The following RC3H2 variants were observed in gnomAD, a reference collection of about 807,000 sequenced individuals.
RC3H2 encodes ring finger and CCCH-type domains 2.
In RC3H2, 31 loss-of-function variants were observed where a neutral mutation model predicts 133.3. That is an observed-to-expected ratio of 0.23 (90% CI 0.17 to 0.31). RC3H2 has a LOEUF of 0.31. RC3H2 is among the 10% of genes least tolerant of loss of function. RC3H2 has a pLI of 1.00. For missense variants in RC3H2, 1,175 were observed against 1,437.2 expected (o/e 0.82, Z 2.95); for synonymous variants, 517 against 502.2 (o/e 1.03, Z -0.40).
intron 4 of RC3H2, among the ~76,000 whole-genome samples, chr9:122,889,954 C>T (rs531247940): frequency 6.6e-6 from 1 of 152,224 alleles, no homozygotes; most frequent in Admixed American, 6.5e-5. Context: ...CCAGTCTGGC[C>T]AACATGGTGG....
chr9:122,904,657 G>A (rs1442186284), intron 1 of RC3H2, among the ~76,000 whole-genome samples: 1 of 152,142 alleles, frequency 6.6e-6, no homozygotes, highest in Non-Finnish European at 1.5e-5. Context: ...TTGTTTGGCC[G>A]GGGTTCCTAT....
chr9:122,899,601 A>C (rs1213098014), intron 1 of RC3H2, among the ~76,000 whole-genome samples: 1 of 152,214 alleles, frequency 6.6e-6, no homozygotes, highest in African/African-American at 2.4e-5. Flanking sequence ...TAATGCCATC[A>C]ATCTAAAAAC....
At chr9:122,882,376 A>T (rs1831683343) in intron 5 of RC3H2, among the ~76,000 whole-genome samples, 1 of 152,248 alleles carries the variant, frequency 6.6e-6, no homozygotes, top group Non-Finnish European at 1.5e-5. Flanking sequence ...ACTACCTGTT[A>T]TCTCAAACTA....
chr9:122,903,445 C>T (rs979892913), intron 1 of RC3H2, among the ~76,000 whole-genome samples: 2 of 152,098 alleles, frequency 1.3e-5, no homozygotes, highest in African/African-American at 4.8e-5. Flanking sequence ...AATGCTTTGC[C>T]AAAATGCAAA....
intron 5 of RC3H2, 29 bp downstream of exon 5, chr9:122,883,175 A>G (rs1831727336): frequency 3.1e-6 from 5 of 1,590,428 alleles, no homozygotes; most frequent in Non-Finnish European, 4.3e-6. Flanking sequence ...ACAAACAGGC[A>G]TGTCTTTACA....
intron 1 of RC3H2, 160 bp from the exon 2 acceptor site, chr9:122,897,736 T>C (rs1025380696): frequency 1.5e-5 from 8 of 530,444 alleles, no homozygotes; most frequent in African/African-American, 1.3e-4. Flanking sequence ...CTGAATTAAT[T>C]ACATTTCTGA....
chr9:122,878,128 G>A (rs1831418583), intron 8 of RC3H2, among the ~76,000 whole-genome samples: 2 of 152,102 alleles, frequency 1.3e-5, no homozygotes, highest in South Asian at 4.1e-4. Context: ...CAAAATCTAA[G>A]ACATTCTTAT....
chr9:122,889,985 T>C (rs1832091613), intron 4 of RC3H2, among the ~76,000 whole-genome samples: 2 of 151,846 alleles, frequency 1.3e-5, no homozygotes, highest in South Asian at 4.1e-4. Flanking sequence ...GTACAAAAAA[T>C]AGAAAAATTA....
At chr9:122,884,838 C>T (rs1483166550) in intron 4 of RC3H2, among the ~76,000 whole-genome samples, 3 of 146,014 alleles carry the variant, frequency 2.1e-5, no homozygotes, top group East Asian at 2.0e-4. Context: ...GGCGACATAG[C>T]GAAAGTCCGT....
Position 122,845,293 on chromosome 9 carries a change from G to C in RC3H2, c.*4334C>G, listed in dbSNP as rs966097117. ...ACAGCAGTTGCTGCAAGCTAACCAC[G>C]ATACTCCCAAGTGGCTGTACAGTGG... is the stretch of plus-strand genomic sequence containing the variant. On this transcript the variant is annotated 3_prime_UTR_variant, in exon 21 of 21. Transcript: ENST00000357244. The C allele has an allele frequency of 6.6e-6, 1 of 152,200 alleles. No homozygotes were observed. The highest frequency in any genetic ancestry group is 1.5e-5 in the Non-Finnish European group (1 of 68,034). 9.4% of individuals were successfully genotyped at this position (152,200 alleles called of 1,614,324 possible). A position where few individuals can be genotyped will look rare whatever the true frequency, so the allele number is the denominator to read the frequency against.
At chr9:122,904,997 A>C in intron 1 of RC3H2, 113 bp downstream of exon 1, 1 of 755,340 alleles carries the variant, frequency 1.3e-6, no homozygotes, top group Non-Finnish European at 1.6e-6. Flanking sequence ...CCCTCGAGGC[A>C]CCAGGGGCGA....
rs1213197503 is a variant in RC3H2, at chr9:122,883,311, C to T, written c.652G>A (p.Val218Ile). ...LEDGSALSRK[V>I]LVLFVVQRLE... Reference sequence around the variant, plus strand: ...CTCTGCACAACAAAAAGTACCAGAACTTTCCTTGAGAGGGCAGAACCATCT... The same window carrying T: ...CTCTGCACAACAAAAAGTACCAGAATTTTCCTTGAGAGGGCAGAACCATCT... Residue 218 changes from valine to isoleucine, a missense_variant, in exon 5 of 21, where the codon GTT becomes ATT. By Grantham distance (29) the Val-to-Ile change is conservative. This residue lies in a region of RC3H2 where 121 missense variants were observed against 243.5 expected (regional missense o/e 0.50). Transcript: ENST00000357244. 6.2e-7 allele frequency: 1 copy of T among 1,613,888 alleles called. No homozygotes were observed.
rs755304570 is a variant in RC3H2, at chr9:122,858,088, A to C, written c.2289T>G (p.Pro763=). The C allele has an allele frequency of 2.4e-5, 38 of 1,613,924 alleles. No homozygotes were observed. The highest frequency in any genetic ancestry group is 3.1e-5 in the Non-Finnish European group (37 of 1,179,950). The change falls in exon 13 of 21, where the codon CCT becomes CCG. Residue 763 remains proline (P), a synonymous_variant. Transcript: ENST00000357244. ...PRTTVPLPRE[P]CGHLKTSCEE... ...CGCAACTGGTCTTCAAATGACCACA[A>C]GGTTCCTAATGGGGGATAAAAGAAA...
At chr9:122,897,661 T>C in intron 1 of RC3H2, 85 bp from the exon 2 acceptor site, 2 of 899,162 alleles carry the variant, frequency 2.2e-6, no homozygotes, top group Non-Finnish European at 3.3e-6. Flanking sequence ...TATTACAGCT[T>C]CAGACCTAAA....
rs1447915758 is a variant in RC3H2 at position 122,849,669 on chromosome 9, G to T, written c.3534C>A (p.Asp1178Glu). 1 of 1,613,260 alleles carries T rather than the reference G, an allele frequency of 6.2e-7. No individual in the cohort carries two copies. Among genetic ancestry groups the T allele is most frequent in the Admixed American group, 1.7e-5 (1 of 59,836 alleles). The part of the protein sequence containing the change: ...KTHVMSEDKN[D>E]FLKPVANGKM... The stretch of plus-strand genomic sequence containing the variant: ...TCCCATTTGCAACAGGTTTTAAAAA[G>T]TCGTTTTTATCTTCAGACATAACAT... Residue 1178 changes from aspartate to glutamate, a missense_variant, in exon 21 of 21, where the codon GAC becomes GAA. Physicochemically the swap from Asp to Glu is conservative, Grantham distance 45 (BLOSUM62 2). This residue lies in a region of RC3H2 where 220 missense variants were observed against 201.1 expected (regional missense o/e 1.09). Transcript: ENST00000357244.
At position 122,845,464 on chromosome 9, in the gene RC3H2, TG is replaced by T. The variant is rs1291899996; in HGVS notation, c.*4162del. ...GACAGGTTGATGGAATATGTGCAAA[TG>T]ACCTTGGCTTTTGGCAGTACTAAGT... On this transcript the variant is annotated 3_prime_UTR_variant, in exon 21 of 21. Transcript: ENST00000357244. 2.0e-5 allele frequency: 3 copies of T among 152,182 alleles called. No individual in the cohort carries two copies. The highest frequency in any genetic ancestry group is 2.9e-5 in the Non-Finnish European group (2 of 68,026). 9.4% of individuals were successfully genotyped at this position (152,182 alleles called of 1,614,324 possible).
chr9:122,896,321 T>C lies in RC3H2; in HGVS notation c.231+958A>G, dbSNP rs557790760. Among the ~76,000 whole-genome samples the C allele has an allele frequency of 3.9e-5, 6 of 152,232 alleles. No homozygotes were observed. The South Asian group carries it at 1.2e-3, about 32-fold the overall frequency. On this transcript the variant is annotated intron_variant, in intron 2 of 20. Transcript: ENST00000357244. ...GACCTTATTGTTTCATTTACACTAT[T>C]ATATAAAAAGTCAAGTGAAGTAAAA...
Position 122,879,749 on chromosome 9 carries a change from A to G in RC3H2, c.1212+6T>C, listed in dbSNP as rs1238933234. The stretch of plus-strand genomic sequence containing the variant: ...CAGCAGTCAGAAATGTAATAAATGT[A>G]CTTACCTGAGGGGTCTCATGGCCTT... On this transcript the variant is annotated splice_donor_region_variant and intron_variant, in intron 8 of 20. Transcript: ENST00000357244. 37 of 1,561,394 alleles carry G rather than the reference A, an allele frequency of 2.4e-5. No homozygotes were observed. Among genetic ancestry groups the G allele is most frequent in the Non-Finnish European group, 3.1e-5 (35 of 1,139,390 alleles).
intron 9 of RC3H2, among the ~76,000 whole-genome samples, chr9:122,872,519 T>C (rs1051601189): frequency 6.6e-6 from 1 of 152,250 alleles, no homozygotes; most frequent in African/African-American, 2.4e-5. Context: ...ATGGCCAAAA[T>C]TGCTTATTTA....
Sources: gnomAD v4.1 joint callset for allele counts (sites outside exome capture counted in the v4.1 genomes callset) on GRCh38, gnomAD v4.1.1 for gene constraint, gnomAD v4.1.1 regional missense constraint, MANE v1.5 for transcripts, NCBI Gene and HGNC (gene_info 2026-07-23, HGNC 2026-07-21) for gene names.